The following TXNRD2 variants were observed in gnomAD, a reference collection of about 807,000 sequenced individuals.
TXNRD2 encodes thioredoxin reductase 2.
A neutral mutation model predicts 70.8 loss-of-function variants in TXNRD2; 67 were observed. That is an observed-to-expected ratio of 0.95 (90% CI 0.78 to 1.16). The LOEUF is 1.16. Among genes scored for constraint, TXNRD2 ranks in the 50% most tolerant of loss-of-function variants. The probability of loss-of-function intolerance (pLI) is 0.00; values close to 1 mark genes in which losing one functional copy is unlikely to be tolerated. For missense variants in TXNRD2, 644 were observed against 719.9 expected (o/e 0.89, Z 1.21); for synonymous variants, 301 against 295.8 (o/e 1.02, Z -0.18).
intron 8 of TXNRD2, among the ~76,000 whole-genome samples, chr22:19,907,927 A>G (rs1442558127): frequency 4.1e-4 from 23 of 56,294 alleles, no homozygotes; most frequent in Non-Finnish European, 5.0e-4. Context: ...GTGTGGGCAC[A>G]CCATGGGTAG....
intron 2 of TXNRD2, among the ~76,000 whole-genome samples, chr22:19,922,934 AC>A (rs1257821937): frequency 2.0e-5 from 3 of 151,100 alleles, no homozygotes; most frequent in African/African-American, 7.3e-5. Context: ...TGATCCGCCC[AC>A]CTCGGCCTCC....
At chr22:19,893,822 G>A (rs1939371923) in intron 11 of TXNRD2, 2 of 152,246 alleles carry the variant, frequency 1.3e-5, no homozygotes, top group South Asian at 2.1e-4. Flanking sequence ...GGAAAGGCCT[G>A]CAAAATGCCA....
At chr22:19,928,418 C>G (rs544739240) in intron 2 of TXNRD2, among the ~76,000 whole-genome samples, 1 of 152,106 alleles carries the variant, frequency 6.6e-6, no homozygotes, top group Non-Finnish European at 1.5e-5. Context: ...ACACTCGCGC[C>G]AACGAAGATG....
chr22:19,920,179 C>T (rs1223834428), intron 2 of TXNRD2, among the ~76,000 whole-genome samples: 2 of 152,206 alleles, frequency 1.3e-5, no homozygotes, highest in South Asian at 2.1e-4. Context: ...GAGCAGGAGC[C>T]GAGACCTGAC....
At chr22:19,921,515 C>T (rs1031682598) in intron 2 of TXNRD2, among the ~76,000 whole-genome samples, 1 of 152,102 alleles carries the variant, frequency 6.6e-6, no homozygotes, top group Non-Finnish European at 1.5e-5. Flanking sequence ...TGAAGCAACC[C>T]AAAACCCAGG....
At chr22:19,939,072 T>A (rs1035272588) in intron 1 of TXNRD2, among the ~76,000 whole-genome samples, 2 of 152,186 alleles carry the variant, frequency 1.3e-5, no homozygotes, top group Non-Finnish European at 2.9e-5. Flanking sequence ...GAAGAGGGTA[T>A]GCTTGTGTTT....
At chr22:19,892,685 T>TA (rs1939318696) in intron 11 of TXNRD2, among the ~76,000 whole-genome samples, 1 of 152,212 alleles carries the variant, frequency 6.6e-6, no homozygotes, top group Non-Finnish European at 1.5e-5. Flanking sequence ...ACAGCTCCCT[T>TA]ATGCTGTGGG....
intron 8 of TXNRD2, among the ~76,000 whole-genome samples, chr22:19,909,899 A>T (rs1413483938): frequency 5.3e-4 from 44 of 83,240 alleles, no homozygotes; most frequent in Admixed American, 4.7e-3. Flanking sequence ...ACACACACAC[A>T]CACCACACAC....
At chr22:19,887,149 T>C (rs1208230818) in intron 11 of TXNRD2, 3 of 152,220 alleles carry the variant, frequency 2.0e-5, no homozygotes, top group South Asian at 2.1e-4. Context: ...TTCTCATCCA[T>C]TTATAGGCAT....
At chr22:19,902,283 A>C (rs1419008115) in intron 8 of TXNRD2, among the ~76,000 whole-genome samples, 1 of 152,376 alleles carries the variant, frequency 6.6e-6, no homozygotes, top group East Asian at 1.9e-4. Flanking sequence ...CCAAAGAGGC[A>C]TAATAACTAC....
At chr22:19,887,584 C>T (rs1272587917) in intron 11 of TXNRD2, 1 of 152,268 alleles carries the variant, frequency 6.6e-6, no homozygotes, top group East Asian at 1.9e-4. Flanking sequence ...GCAGGCACCA[C>T]ACCTGTACCA....
intron 11 of TXNRD2, chr22:19,894,642 A>G (rs547090020): frequency 2.2e-5 from 4 of 181,464 alleles, no homozygotes; most frequent in African/African-American, 9.6e-5. Context: ...GCAAAAAAAG[A>G]AAAAAACCTA....
In TXNRD2 at chr22:19,879,517, C is replaced by A. The variant is rs370332890; in HGVS notation, c.1275+662G>T. On this transcript the variant is annotated intron_variant, in intron 14 of 17. Coordinates refer to ENST00000400521, the MANE Select transcript of TXNRD2 (RefSeq NM_006440.5). ...GGTGAGTGCCTGAGCCTGGAAGAAG[C>A]TGGAAGAGGATGGGTATCAGGATGT... Among the ~76,000 whole-genome samples the A allele has an allele frequency of 2.4e-5, 3 of 123,438 alleles. No individual in the cohort carries two copies. In the East Asian group the frequency reaches 8.3e-4, roughly 34 times the overall value. 81.0% of individuals were successfully genotyped at this position (123,438 alleles called of 152,430 possible). A position where few individuals can be genotyped will look rare whatever the true frequency, so the allele number is the denominator to read the frequency against.
chr22:19,937,259 C>T (rs937069980), intron 1 of TXNRD2, among the ~76,000 whole-genome samples: 1 of 152,134 alleles, frequency 6.6e-6, no homozygotes, highest in Non-Finnish European at 1.5e-5. Context: ...CTCATTTAGG[C>T]TTTGATGCTC....
intron 2 of TXNRD2, among the ~76,000 whole-genome samples, chr22:19,923,229 A>G (rs749544914): frequency 2.6e-5 from 4 of 152,088 alleles, no homozygotes; most frequent in Non-Finnish European, 4.4e-5. Context: ...ACTCTTTAAA[A>G]TTTAAAACTA....
chr22:19,907,255 C>T lies in TXNRD2; in HGVS notation c.662+4122G>A, dbSNP rs11705025. ...GTGACCGCTCTCAGGAGAGTGTGGG[C>T]GCCGTGGGTAGCAGTGACCGCTCTC... is the stretch of plus-strand genomic sequence containing the variant. On this transcript the variant is annotated intron_variant, in intron 8 of 17. Coordinates refer to ENST00000400521, the MANE Select transcript of TXNRD2 (RefSeq NM_006440.5). 8.7e-3 allele frequency among the ~76,000 whole-genome samples: 526 copies of T among 60,518 alleles called. 1 individual carries two copies. Among genetic ancestry groups the T allele is most frequent in the Middle Eastern group, 0.015 (1 of 68 alleles). 39.7% of individuals were successfully genotyped at this position (60,518 alleles called of 152,430 possible).
intron 8 of TXNRD2, among the ~76,000 whole-genome samples, chr22:19,899,448 G>A (rs867954014): frequency 4.6e-5 from 7 of 152,334 alleles, no homozygotes; most frequent in East Asian, 3.9e-4. Flanking sequence ...CCACCAGACC[G>A]CAAGGGAAGA....
chr22:19,876,993 C>T, intron 17 of TXNRD2, 47 bp downstream of exon 17: 1 of 1,378,616 alleles, frequency 7.3e-7, no homozygotes, highest in Non-Finnish European at 9.6e-7. Flanking sequence ...CTCCTGCACC[C>T]CTGCCACATG....
chr22:19,911,802 C>G (rs900672084), intron 7 of TXNRD2, among the ~76,000 whole-genome samples: 1 of 152,160 alleles, frequency 6.6e-6, no homozygotes, highest in East Asian at 1.9e-4. Flanking sequence ...TCAAGTCTGC[C>G]CGGGTTCTGG....
Sources: allele counts gnomAD v4.1 joint callset (sites outside exome capture counted in the v4.1 genomes callset), GRCh38; gene constraint gnomAD v4.1.1; transcripts MANE v1.5; gene names NCBI Gene and HGNC (gene_info 2026-07-23, HGNC 2026-07-21).